The following SLF1 variants were observed in gnomAD, a reference collection of about 807,000 sequenced individuals.
SLF1 encodes the protein SMC5/6 complex localization factor 1, also known as SMC5-SMC6 complex localization factor protein 1.
A neutral mutation model predicts 123.0 loss-of-function variants in SLF1; 105 were observed. That is an observed-to-expected ratio of 0.85 (90% CI 0.73 to 1.00). The LOEUF is 1.00. SLF1 is among the 50% of genes least tolerant of loss of function. The pLI, the probability that SLF1 is intolerant of heterozygous loss-of-function variation, is 0.00. For synonymous variants in SLF1, 434 were observed against 406.6 expected (o/e 1.07, Z -0.81); for missense variants, 1,239 against 1,223.0 (o/e 1.01, Z -0.20).
At chr5:94,644,647 G>A (rs1335693602) in intron 5 of SLF1, among the ~76,000 whole-genome samples, 1 of 152,126 alleles carries the variant, frequency 6.6e-6, no homozygotes, top group East Asian at 1.9e-4. Context: ...GGGTCTTCCT[G>A]CCTTCTGCTC....
In SLF1 at chr5:94,629,153, C is replaced by T. The variant is rs998067421; in HGVS notation, c.176C>T (p.Ala59Val). 1 of 1,547,808 alleles carries T rather than the reference C, an allele frequency of 6.5e-7. No individual in the cohort carries two copies. The highest frequency in any genetic ancestry group is 1.4e-5 in the African/African-American group (1 of 73,008). ...ERLCKSEKFL[A>V]ACAAGKWILT... ...CTATGTAAGAGTGAAAAATTTTTAG[C>T]AGCTTGTGCGGCAGGTAAGTTAACT... is the stretch of plus-strand genomic sequence containing the variant. The change falls in exon 3 of 21, where the codon GCA becomes GTA. Residue 59 changes from alanine to valine, a missense_variant. Ala to Val is a moderately conservative substitution (Grantham distance 64, BLOSUM62 0). Transcript: ENST00000265140.
intron 12 of SLF1, among the ~76,000 whole-genome samples, chr5:94,666,265 C>G (rs1749742178): frequency 6.6e-6 from 1 of 151,952 alleles, no homozygotes; most frequent in Non-Finnish European, 1.5e-5. Flanking sequence ...ACTAGAAAGC[C>G]AAATCATTAT....
intron 4 of SLF1, among the ~76,000 whole-genome samples, chr5:94,642,923 A>C (rs1746606038): frequency 6.6e-6 from 1 of 152,012 alleles, no homozygotes; most frequent in Non-Finnish European, 1.5e-5. Context: ...CTTTCTTGGG[A>C]GTACGTTACC....
chr5:94,686,737 T>C lies in SLF1; in HGVS notation c.2121+19T>C, dbSNP rs1585234135. On this transcript the variant is annotated intron_variant, in intron 16 of 20. Coordinates refer to ENST00000265140, the MANE Select transcript of SLF1 (RefSeq NM_032290.4). The stretch of plus-strand genomic sequence containing the variant: ...GAAAATGGTAAGTACCTCTCTATTC[T>C]GGTTCTTTACATTTTCAAGAAGTGA... 6.3e-7 allele frequency: 1 copy of C among 1,591,034 alleles called. No individual in the cohort carries two copies. The highest frequency in any genetic ancestry group is 8.5e-7 in the Non-Finnish European group (1 of 1,171,930).
chr5:94,694,908 G>C lies in SLF1; in HGVS notation c.2773G>C (p.Glu925Gln), dbSNP rs376414156. 1 of 1,611,498 alleles carries C rather than the reference G, an allele frequency of 6.2e-7. No individual in the cohort carries two copies. Residue 925 changes from glutamate to glutamine, a missense_variant, in exon 21 of 21, where the codon GAA becomes CAA. Glu to Gln is a conservative substitution (Grantham distance 29). Transcript: ENST00000265140. ...DYVVSPQIKE[E>Q]LFAITKIEDT... ...TGTGGTTTCACCTCAAATCAAAGAA[G>C]AACTGTTTGCTATTACAAAAATAGA...
intron 9 of SLF1, among the ~76,000 whole-genome samples, chr5:94,660,259 A>G (rs938344328): frequency 3.3e-5 from 5 of 152,218 alleles, no homozygotes; most frequent in East Asian, 1.9e-4. Flanking sequence ...ATGCAGGTCT[A>G]ATCTGTTCCT....
intron 14 of SLF1, among the ~76,000 whole-genome samples, chr5:94,677,377 TAATA>T (rs1469462478): frequency 2.0e-5 from 3 of 152,204 alleles, no homozygotes; most frequent in Non-Finnish European, 4.4e-5. Context: ...GAAAAGGTTT[TAATA>T]AATATTGTGA....
Position 94,695,185 on chromosome 5 carries a change from C to T in SLF1, c.3050C>T (p.Thr1017Ile), listed in dbSNP as rs1421720851. 1 of 1,612,738 alleles carries T rather than the reference C, an allele frequency of 6.2e-7. No individual in the cohort carries two copies. Among genetic ancestry groups the T allele is most frequent in the African/African-American group, 1.3e-5 (1 of 74,934 alleles). The change falls in exon 21 of 21, where the codon ACA (threonine) becomes ATA (isoleucine). Residue 1017 changes from threonine to isoleucine, a missense_variant. Transcript: ENST00000265140. ...LLDLYAGNIK[T>I]LQKLPHILKE... ...GATCTTTATGCTGGAAATATAAAGA[C>T]ATTGCAGAAACTCCCACACATTCTT...
At chr5:94,687,287 A>C (rs1752551114) in intron 16 of SLF1, among the ~76,000 whole-genome samples, 1 of 152,166 alleles carries the variant, frequency 6.6e-6, no homozygotes, top group African/African-American at 2.4e-5. Flanking sequence ...CTTAATCCCC[A>C]GAATTTGAAG....
intron 12 of SLF1, among the ~76,000 whole-genome samples, chr5:94,668,354 GA>G (rs1248247351): frequency 6.6e-6 from 1 of 151,854 alleles, no homozygotes; most frequent in Non-Finnish European, 1.5e-5. Flanking sequence ...TGTTTTTTGA[GA>G]AGAAGTTTCG....
intron 14 of SLF1, among the ~76,000 whole-genome samples, chr5:94,673,873 G>A (rs1039900947): frequency 6.6e-6 from 1 of 151,524 alleles, no homozygotes; most frequent in Non-Finnish European, 1.5e-5. Context: ...CGGGAAGATT[G>A]CTCTGAGTAT....
In SLF1 at chr5:94,626,885, T is replaced by C. The variant is rs201223478; in HGVS notation, c.1-1926T>C. 4.6e-5 allele frequency among the ~76,000 whole-genome samples: 7 copies of C among 151,988 alleles called. No individual in the cohort carries two copies. In the East Asian group the frequency reaches 1.4e-3, roughly 29 times the overall value. On this transcript the variant is annotated intron_variant, in intron 1 of 20. Coordinates refer to ENST00000265140, the MANE Select transcript of SLF1 (RefSeq NM_032290.4). The stretch of plus-strand genomic sequence containing the variant: ...GGAGCTTCTCCAACGAAATGGGGAG[T>C]GATGAAGGGTAGAGAAAAACCAAGA...
intron 16 of SLF1, 43 bp from the exon 17 acceptor site, chr5:94,688,463 G>C (rs761461009): frequency 6.3e-7 from 1 of 1,580,682 alleles, no homozygotes; most frequent in South Asian, 1.1e-5. Context: ...CTTTACTGCT[G>C]TTTTTGTAGT....
intron 1 of SLF1, among the ~76,000 whole-genome samples, chr5:94,623,444 TAAAAC>T: frequency 6.6e-6 from 1 of 152,102 alleles, no homozygotes; most frequent in Non-Finnish European, 1.5e-5. Flanking sequence ...ACAGTAAAAA[TAAAAC>T]TTAACTGTCA....
intron 4 of SLF1, among the ~76,000 whole-genome samples, chr5:94,631,251 C>T (rs780589989): frequency 6.6e-6 from 1 of 150,956 alleles, no homozygotes; most frequent in Admixed American, 6.6e-5. Context: ...GTGTTTTTGT[C>T]TCTTAGTTAA....
chr5:94,667,694 A>G (rs1325129953), intron 12 of SLF1, among the ~76,000 whole-genome samples: 1 of 151,990 alleles, frequency 6.6e-6, no homozygotes, highest in Non-Finnish European at 1.5e-5. Context: ...GTTATTTTCC[A>G]TATCCTGTCT....
At chr5:94,641,166 ATGTTGTTCCCTCCCGCC>A (rs2152472769) in intron 4 of SLF1, among the ~76,000 whole-genome samples, 1 of 152,140 alleles carries the variant, frequency 6.6e-6, no homozygotes, top group African/African-American at 2.4e-5. Flanking sequence ...GCTATGGTGA[ATGTTGTTCCCTCCCGCC>A]CGCCCCACCC....
chr5:94,683,228 T>C (rs1752026820), intron 15 of SLF1, among the ~76,000 whole-genome samples: 1 of 152,218 alleles, frequency 6.6e-6, no homozygotes, highest in East Asian at 1.9e-4. Flanking sequence ...TTAATTTCTT[T>C]CCATGCTTCA....
chr5:94,642,671 G>A (rs1239954113), intron 4 of SLF1, among the ~76,000 whole-genome samples: 1 of 152,186 alleles, frequency 6.6e-6, no homozygotes, highest in Non-Finnish European at 1.5e-5. Context: ...CTAAGCAGAA[G>A]CAGAACTTCA....
Sources: gnomAD v4.1 joint callset for allele counts (sites outside exome capture counted in the v4.1 genomes callset) on GRCh38, gnomAD v4.1.1 for gene constraint, MANE v1.5 for transcripts, NCBI Gene and HGNC (gene_info 2026-07-23, HGNC 2026-07-21) for gene names.